NRXN1: variants seen among roughly 807,000 people sequenced by gnomAD.
NRXN1 encodes the protein neurexin 1, also known as neurexin-1.
NRXN1 carries 39 observed loss-of-function variants against 150.9 expected under a neutral mutation model. The observed-to-expected ratio is 0.26, with a 90% CI of 0.20 to 0.34. NRXN1 has a LOEUF of 0.34. NRXN1 is among the 10% of genes least tolerant of loss of function. The probability of loss-of-function intolerance (pLI) is 1.00; values close to 1 mark genes in which losing one functional copy is unlikely to be tolerated. For synonymous variants in NRXN1, 924 were observed against 757.0 expected, an observed-to-expected ratio of 1.22 and a Z score of -3.62; for missense variants, 1,815 against 1,949.9, an observed-to-expected ratio of 0.93 and a Z score of 1.30.
chr2:50,820,887 G>A (rs1441792053), intron 5 of NRXN1, among the ~76,000 whole-genome samples: 1 of 152,116 alleles, frequency 6.6e-6, no homozygotes, highest in African/African-American at 2.4e-5. Flanking sequence ...TTGTGTTATA[G>A]ATTATGGAGA....
chr2:50,900,342 T>C (rs1682729419), intron 5 of NRXN1, among the ~76,000 whole-genome samples: 1 of 152,178 alleles, frequency 6.6e-6, no homozygotes, highest in Non-Finnish European at 1.5e-5. Context: ...AGGGTAAGTA[T>C]CTGGGAGTTC....
At chr2:50,920,027 C>G (rs1447911350) in intron 5 of NRXN1, 3 of 387,082 alleles carry the variant, frequency 7.8e-6, no homozygotes, top group South Asian at 5.9e-5. Flanking sequence ...AGAAGACTTA[C>G]AATCACCTTT....
chr2:50,613,201 T>C (rs915225178), intron 8 of NRXN1, among the ~76,000 whole-genome samples: 3 of 152,164 alleles, frequency 2.0e-5, no homozygotes, highest in Non-Finnish European at 4.4e-5. Flanking sequence ...TTAAGCCCAT[T>C]TGCCTATTCT....
At chr2:50,437,393 G>C (rs1403741629) in intron 17 of NRXN1, among the ~76,000 whole-genome samples, 2 of 152,100 alleles carry the variant, frequency 1.3e-5, no homozygotes, top group Admixed American at 1.3e-4. Flanking sequence ...GAAGGATCTC[G>C]TGTCATTTAT....
chr2:50,712,169 A>T (rs1460074439), intron 5 of NRXN1, among the ~76,000 whole-genome samples: 1 of 150,402 alleles, frequency 6.6e-6, no homozygotes, highest in Non-Finnish European at 1.5e-5. Flanking sequence ...ATGAAATATT[A>T]TTGATTACAT....
intron 5 of NRXN1, among the ~76,000 whole-genome samples, chr2:50,915,010 A>C (rs1168597077): frequency 6.6e-6 from 1 of 151,610 alleles, no homozygotes; most frequent in African/African-American, 2.4e-5. Flanking sequence ...TTTTTAAAGT[A>C]TGTTAAAAGA....
At position 50,789,929 on chromosome 2, in the gene NRXN1, T is replaced by C. The variant is rs1705693598; in HGVS notation, c.832+131940A>G. Among the ~76,000 whole-genome samples the C allele has an allele frequency of 2.6e-5, 4 of 152,176 alleles. No individual in the cohort carries two copies. The South Asian group carries it at 8.3e-4, about 32-fold the overall frequency. On this transcript the variant is annotated intron_variant, in intron 5 of 22. Coordinates refer to ENST00000401669, the MANE Select transcript of NRXN1 (RefSeq NM_001330078.2). ...TCCTCAAGTCCTACGTTTTCAAAAT[T>C]ATGTCTCTTAAAGAATTAGTAGCTT...
chr2:50,778,068 C>A (rs915652518), intron 5 of NRXN1, among the ~76,000 whole-genome samples: 1 of 152,084 alleles, frequency 6.6e-6, no homozygotes, highest in Non-Finnish European at 1.5e-5. Flanking sequence ...CCTCCTCCCC[C>A]CCTTTTTTCT....
chr2:50,674,351 G>C (rs185045093), intron 5 of NRXN1, among the ~76,000 whole-genome samples: 78 of 152,244 alleles, frequency 5.1e-4, no homozygotes, highest in South Asian at 1.0e-3. Context: ...TGGAACAGAA[G>C]TGGAGCACGG....
rs576844081 is a variant in NRXN1 at position 50,597,482 on chromosome 2, C to T, written c.1320+22540G>A. 4.3e-4 allele frequency among the ~76,000 whole-genome samples: 65 copies of T among 152,264 alleles called. 1 individual carries two copies. In the South Asian group the frequency reaches 0.013, roughly 31 times the overall value. On this transcript the variant is annotated intron_variant, in intron 8 of 22. Coordinates refer to ENST00000401669, the MANE Select transcript of NRXN1 (RefSeq NM_001330078.2). ...CCTTTCCTCTGATCTCTTCTCTTCC[C>T]TGTCTTATCTTCATACCTTCATTCT...
intron 17 of NRXN1, among the ~76,000 whole-genome samples, chr2:50,354,629 T>G (rs978612227): frequency 2.0e-5 from 3 of 147,720 alleles, no homozygotes; most frequent in Admixed American, 6.8e-5. Context: ...CTGAAATGGG[T>G]TTTTTTTCCC....
chr2:50,425,492 C>T (rs1490994740), intron 17 of NRXN1, among the ~76,000 whole-genome samples: 2 of 152,050 alleles, frequency 1.3e-5, no homozygotes, highest in African/African-American at 4.8e-5. Context: ...ATTTTTATTT[C>T]TGAAAAGCTA....
At chr2:50,819,971 T>C (rs1375075246) in intron 5 of NRXN1, among the ~76,000 whole-genome samples, 1 of 152,138 alleles carries the variant, frequency 6.6e-6, no homozygotes, top group Non-Finnish European at 1.5e-5. Context: ...TGCTCACTTG[T>C]TAATACACAC....
At chr2:50,708,536 C>T (rs562127949) in intron 5 of NRXN1, among the ~76,000 whole-genome samples, 46 of 152,236 alleles carry the variant, frequency 3.0e-4, no homozygotes, top group African/African-American at 8.4e-4. Context: ...AGGCAAGCTG[C>T]ACAGTTTAAG....
intron 19 of NRXN1, among the ~76,000 whole-genome samples, chr2:50,083,116 T>C (rs1263076515): frequency 6.6e-6 from 1 of 152,236 alleles, no homozygotes; most frequent in Non-Finnish European, 1.5e-5. Context: ...AAGAGAACTT[T>C]ATGAAAGTCA....
intron 18 of NRXN1, among the ~76,000 whole-genome samples, chr2:50,192,907 C>G (rs1168863040): frequency 2.6e-5 from 4 of 152,106 alleles, no homozygotes; most frequent in African/African-American, 9.7e-5. Context: ...GTGAGCCACC[C>G]GCCCCACAGG....
intron 5 of NRXN1, among the ~76,000 whole-genome samples, chr2:50,911,645 C>A (rs1244836690): frequency 6.6e-6 from 1 of 151,878 alleles, no homozygotes; most frequent in Non-Finnish European, 1.5e-5. Flanking sequence ...AGATTTTAAA[C>A]GTGAGCTCAG....
At chr2:50,550,525 T>C (rs567027280) in intron 9 of NRXN1, among the ~76,000 whole-genome samples, 31 of 151,538 alleles carry the variant, frequency 2.0e-4, no homozygotes, top group African/African-American at 6.6e-4. Flanking sequence ...CCCACGCCAC[T>C]TCAAAATTCT....
intron 19 of NRXN1, among the ~76,000 whole-genome samples, chr2:50,085,358 A>C (rs1698630757): frequency 1.3e-5 from 2 of 152,172 alleles, no homozygotes. Context: ...ACAATAATTC[A>C]GATATTCCAT....
Sources: allele counts gnomAD v4.1 joint callset (sites outside exome capture counted in the v4.1 genomes callset), GRCh38; gene constraint gnomAD v4.1.1; transcripts MANE v1.5; gene names NCBI Gene and HGNC (gene_info 2026-07-23, HGNC 2026-07-21).